Variants in PDE8A observed in about 807,000 individuals in gnomAD.
The protein encoded by PDE8A is phosphodiesterase 8A, also known as high affinity cAMP-specific and IBMX-insensitive 3',5'-cyclic phosphodiesterase 8A.
In PDE8A, 59 loss-of-function variants were observed where a neutral mutation model predicts 105.0. The ratio of observed to expected loss-of-function variants is 0.56; its 90% CI spans 0.46 to 0.70. The LOEUF is 0.70. Ranked by LOEUF, PDE8A falls within the 30% of genes least tolerant of loss-of-function variation. PDE8A has a pLI of 0.00. For synonymous variants in PDE8A, 355 were observed against 371.9 expected (o/e 0.95, Z 0.52); for missense variants, 1,014 against 1,045.9 (o/e 0.97, Z 0.42).
rs117746292 is a variant in PDE8A, at chr15:85,007,352, G to A, written c.186+25004G>A. On this transcript the variant is annotated intron_variant, in intron 1 of 21. Transcript: ENST00000394553. ...GCCAGCCACAGTAGCACAAAAGCAG[G>A]CAAAACAGATCTGTGCTGTTAGAAT... is the stretch of plus-strand genomic sequence containing the variant. Among the ~76,000 whole-genome samples, 199 of 151,338 alleles carry A rather than the reference G, an allele frequency of 1.3e-3. 5 individuals are homozygous for A. The East Asian group carries it at 0.03, about 23-fold the overall frequency.
chr15:85,104,719 G>A (rs1388430555), intron 11 of PDE8A, among the ~76,000 whole-genome samples: 3 of 152,186 alleles, frequency 2.0e-5, no homozygotes, highest in African/African-American at 7.2e-5. Flanking sequence ...TGTACAGGGA[G>A]TGGATAGTAA....
chr15:84,982,197 G>A lies in PDE8A; in HGVS notation c.35G>A (p.Arg12His). Reference sequence around the variant, plus strand: ...GCCCCGAGCATCCACATTTCCGAGCGCCTGGTGGCCGAGGACGCGCCTAGC... The same window carrying A: ...GCCCCGAGCATCCACATTTCCGAGCACCTGGTGGCCGAGGACGCGCCTAGC... ...GCAPSIHISERLVAEDAPSPA... is the reference protein window; with the variant it reads ...GCAPSIHISEHLVAEDAPSPA... Residue 12 changes from arginine (R) to histidine (H), a missense_variant, in exon 1 of 22, where the codon CGC becomes CAC. By Grantham distance (29) the Arg-to-His change is conservative. Transcript: ENST00000394553. 6.7e-7 allele frequency: 1 copy of A among 1,483,456 alleles called. No individual in the cohort carries two copies. Among genetic ancestry groups the A allele is most frequent in the Non-Finnish European group, 8.9e-7 (1 of 1,126,422 alleles). The allele number at this position is 1,483,456 out of a possible 1,614,324, so 91.9% of individuals were successfully genotyped here. A position where few individuals can be genotyped will look rare whatever the true frequency, so the allele number is the denominator to read the frequency against.
At chr15:85,120,169 CAT>C (rs1402612517) in intron 17 of PDE8A, 1 of 149,240 alleles carries the variant, frequency 6.7e-6, no homozygotes, top group Non-Finnish European at 1.5e-5. Context: ...AGGCCAATAA[CAT>C]GGAAGTAATT....
chr15:85,071,784 C>T (rs551304915), intron 3 of PDE8A, among the ~76,000 whole-genome samples: 7 of 152,136 alleles, frequency 4.6e-5, no homozygotes, highest in Non-Finnish European at 7.3e-5. Context: ...GAATTGCATT[C>T]AGGGGTGTGT....
intron 1 of PDE8A, among the ~76,000 whole-genome samples, chr15:85,023,722 G>A (rs2080466896): frequency 6.6e-6 from 1 of 152,144 alleles, no homozygotes; most frequent in East Asian, 1.9e-4. Context: ...AAGATCACTG[G>A]GTTGTGAGAA....
In PDE8A at chr15:85,120,960, C is replaced by G; in HGVS notation, c.1898C>G (p.Ala633Gly). ...CTGGAGAGCCACCATGCGGCCTTGG[C>G]CTTCCAGCTGACCACTGGAGATGAT... ...AVLESHHAAL[A>G]FQLTTGDDKC... The change falls in exon 18 of 22, where the codon GCC (alanine) becomes GGC (glycine). Residue 633 changes from alanine (A) to glycine (G), a missense_variant. Physicochemically the swap from Ala to Gly is moderately conservative, Grantham distance 60. Coordinates refer to ENST00000394553, the MANE Select transcript of PDE8A (RefSeq NM_002605.3). 6.2e-7 allele frequency: 1 copy of G among 1,614,002 alleles called. No homozygotes were observed. Among genetic ancestry groups the G allele is most frequent in the South Asian group, 1.1e-5 (1 of 91,064 alleles).
chr15:85,134,172 AC>A (rs2082369554), intron 20 of PDE8A, among the ~76,000 whole-genome samples: 1 of 152,180 alleles, frequency 6.6e-6, no homozygotes, highest in African/African-American at 2.4e-5. Context: ...GTCTTCACTG[AC>A]CTTCAGCCAG....
intron 12 of PDE8A, among the ~76,000 whole-genome samples, chr15:85,112,022 TTG>T (rs758316948): frequency 6.6e-6 from 1 of 151,894 alleles, no homozygotes; most frequent in Non-Finnish European, 1.5e-5. Context: ...TATATTGACT[TTG>T]TATATCTAGG....
intron 2 of PDE8A, among the ~76,000 whole-genome samples, chr15:85,066,583 A>C (rs1462432829): frequency 1.7e-5 from 2 of 116,942 alleles, no homozygotes; most frequent in Non-Finnish European, 3.6e-5. Context: ...ATCCCCCCAA[A>C]ACACACACAC....
intron 1 of PDE8A, among the ~76,000 whole-genome samples, chr15:85,055,508 T>C (rs2081046044): frequency 6.6e-6 from 1 of 152,228 alleles, no homozygotes; most frequent in African/African-American, 2.4e-5. Context: ...ATTGGGTGCA[T>C]ATATATTTAG....
At chr15:85,089,091 T>TG (rs1254389254) in intron 6 of PDE8A, among the ~76,000 whole-genome samples, 2 of 152,138 alleles carry the variant, frequency 1.3e-5, no homozygotes, top group Non-Finnish European at 2.9e-5. Context: ...CCGTGGTATG[T>TG]GGCCACCCTG....
chr15:84,993,144 T>C (rs1380547688), intron 1 of PDE8A, among the ~76,000 whole-genome samples: 1 of 152,186 alleles, frequency 6.6e-6, no homozygotes, highest in African/African-American at 2.4e-5. Flanking sequence ...TTGAAACATA[T>C]AGAAAAGAAC....
intron 1 of PDE8A, among the ~76,000 whole-genome samples, chr15:85,054,926 C>T (rs1257235001): frequency 6.6e-6 from 1 of 152,122 alleles, no homozygotes; most frequent in Non-Finnish European, 1.5e-5. Flanking sequence ...TAGATCTTTT[C>T]CTGCTTTCTC....
chr15:84,993,786 A>G (rs2079931090), intron 1 of PDE8A, among the ~76,000 whole-genome samples: 1 of 152,062 alleles, frequency 6.6e-6, no homozygotes, highest in African/African-American at 2.4e-5. Flanking sequence ...AGCTACTTAG[A>G]CTGAGGTGGG....
intron 1 of PDE8A, among the ~76,000 whole-genome samples, chr15:84,995,505 G>C (rs533085123): frequency 6.6e-6 from 1 of 152,124 alleles, no homozygotes; most frequent in Non-Finnish European, 1.5e-5. Context: ...TTTTTTTGTA[G>C]AGACAGGGTC....
chr15:85,136,554 G>A lies in PDE8A; in HGVS notation c.2274G>A (p.Gln758=). Residue 758 remains glutamine, a synonymous_variant, in exon 21 of 22, where the codon CAG becomes CAA. Transcript: ENST00000394553. ...TACAGACTGATGAAGAGAAGCAGCA[G>A]GGCTTACCTGTGGTGATGCCAGTGT... The part of the protein sequence containing the change: ...YFSQTDEEKQ[Q]GLPVVMPVFD... The A allele has an allele frequency of 6.2e-7, 1 of 1,613,754 alleles. No homozygotes were observed. Among genetic ancestry groups the A allele is most frequent in the Non-Finnish European group, 8.5e-7 (1 of 1,179,862 alleles).
At chr15:85,136,762 C>A in intron 21 of PDE8A, 99 bp downstream of exon 21, 1 of 1,208,308 alleles carries the variant, frequency 8.3e-7, no homozygotes, top group Non-Finnish European at 1.1e-6. Context: ...TGATTTGGGG[C>A]CTGGGCTTTC....
intron 1 of PDE8A, among the ~76,000 whole-genome samples, chr15:85,002,382 C>G (rs1170398512): frequency 6.6e-6 from 1 of 152,158 alleles, no homozygotes; most frequent in Non-Finnish European, 1.5e-5. Context: ...AACAGACAGA[C>G]AAAGAGGTGA....
At chr15:85,095,409 T>TA (rs1184996965) in intron 8 of PDE8A, among the ~76,000 whole-genome samples, 1 of 152,166 alleles carries the variant, frequency 6.6e-6, no homozygotes, top group Non-Finnish European at 1.5e-5. Flanking sequence ...AGTGGGGTGA[T>TA]ATCGGCTCAC....
Sources: allele counts gnomAD v4.1 joint callset (sites outside exome capture counted in the v4.1 genomes callset), GRCh38; gene constraint gnomAD v4.1.1; transcripts MANE v1.5; gene names NCBI Gene and HGNC (gene_info 2026-07-23, HGNC 2026-07-21).